Variants in SV2B observed in about 807,000 individuals in gnomAD.
The protein encoded by SV2B is solute carrier family 22 member B2.
A neutral mutation model predicts 73.9 loss-of-function variants in SV2B; 41 were observed. The observed-to-expected ratio is 0.56, with a 90% confidence interval of 0.43 to 0.72. SV2B has a LOEUF of 0.72. Among genes scored for constraint, SV2B ranks in the 30% least tolerant of loss-of-function variants. The pLI is 0.00. For synonymous variants in SV2B, 314 were observed against 314.2 expected (o/e 1.00, Z 0.01); for missense variants, 764 against 857.8 (o/e 0.89, Z 1.37).
rs2141149856 is a variant in SV2B, at chr15:91,130,289, C to CA, written c.-392+29927dup. Reference sequence around the variant, plus strand: ...GGAGTGTTGGAGGAATACTGAATTCCATATTGGGCTCTCTTGAGTGAACAG... The same window carrying CA: ...GGAGTGTTGGAGGAATACTGAATTCCAATATTGGGCTCTCTTGAGTGAACAG... On this transcript the variant is annotated intron_variant, in intron 1 of 12. Coordinates refer to ENST00000394232, the MANE Select transcript of SV2B (RefSeq NM_001323032.3). This position sits in a 1 kb window ranked among gnomAD's most constrained non-coding sequence, Gnocchi z 5.6. Among the ~76,000 whole-genome samples the CA allele has an allele frequency of 6.6e-6, 1 of 152,262 alleles. No individual in the cohort carries two copies. The highest frequency in any genetic ancestry group is 1.9e-4 in the East Asian group (1 of 5,186).
intron 6 of SV2B, among the ~76,000 whole-genome samples, chr15:91,260,847 C>G (rs1173008708): frequency 6.6e-6 from 1 of 152,238 alleles, no homozygotes. Flanking sequence ...GCAGAAACCC[C>G]TGATAAACCC....
intron 6 of SV2B, among the ~76,000 whole-genome samples, chr15:91,263,265 C>G (rs1596728038): frequency 6.7e-6 from 1 of 149,002 alleles, no homozygotes; most frequent in African/African-American, 2.5e-5. Context: ...CACACGGACA[C>G]AGACACATGG....
chr15:91,277,234 CAG>C (rs2048524235), intron 9 of SV2B, among the ~76,000 whole-genome samples: 1 of 152,134 alleles, frequency 6.6e-6, no homozygotes, highest in Non-Finnish European at 1.5e-5. Context: ...TAGGTTTTAA[CAG>C]TATGTGGGGA....
intron 2 of SV2B, among the ~76,000 whole-genome samples, chr15:91,235,204 G>C (rs1310463271): frequency 6.6e-6 from 1 of 152,192 alleles, no homozygotes; most frequent in Non-Finnish European, 1.5e-5. Context: ...GAAGCCATTT[G>C]AGTGTTTTGA....
intron 4 of SV2B, among the ~76,000 whole-genome samples, chr15:91,256,754 AC>A (rs540559263): frequency 6.6e-6 from 1 of 152,316 alleles, no homozygotes; most frequent in East Asian, 1.9e-4. Flanking sequence ...TGTCCAAGGG[AC>A]CACAGTCCCA....
At chr15:91,204,291 T>C (rs1201648289) in intron 1 of SV2B, among the ~76,000 whole-genome samples, 2 of 152,190 alleles carry the variant, frequency 1.3e-5, no homozygotes, top group Non-Finnish European at 2.9e-5. Flanking sequence ...TCCAAATTAA[T>C]TAAAATTTAA....
chr15:91,259,616 A>G (rs111558366), intron 5 of SV2B, among the ~76,000 whole-genome samples: 1 of 152,238 alleles, frequency 6.6e-6, no homozygotes, highest in African/African-American at 2.4e-5. Context: ...TCAAAGCAGC[A>G]GCAAGGTCAT....
At chr15:91,247,233 G>C (rs148513527) in intron 2 of SV2B, among the ~76,000 whole-genome samples, 24 of 152,134 alleles carry the variant, frequency 1.6e-4, no homozygotes, top group African/African-American at 4.8e-4. Context: ...GCAGGTCCTC[G>C]GCCAGCATTG....
rs1210347097 is a variant in SV2B, at chr15:91,137,864, G to T, written c.-392+37501G>T. 6.6e-6 allele frequency among the ~76,000 whole-genome samples: 1 copy of T among 151,982 alleles called. No homozygotes were observed. Among genetic ancestry groups the T allele is most frequent in the Non-Finnish European group, 1.5e-5 (1 of 67,994 alleles). On this transcript the variant is annotated intron_variant, in intron 1 of 12. Coordinates refer to ENST00000394232, the MANE Select transcript of SV2B (RefSeq NM_001323032.3). The surrounding 1 kb of genome is among the most constrained non-coding windows in gnomAD (Gnocchi z 4.9). Reference sequence around the variant, plus strand: ...TATTTTGAAAACTGGTAAATAAGAAGAGAGAATCAGGTGTTTACTTTGCCT... The same window carrying T: ...TATTTTGAAAACTGGTAAATAAGAATAGAGAATCAGGTGTTTACTTTGCCT...
At chr15:91,243,628 T>C (rs1449664081) in intron 2 of SV2B, among the ~76,000 whole-genome samples, 1 of 152,170 alleles carries the variant, frequency 6.6e-6, no homozygotes, top group East Asian at 1.9e-4. Context: ...CATTGCTCAC[T>C]GCTTGGCCCA....
At position 91,297,608 on chromosome 15, in the gene SV2B, G is replaced by T. The variant is rs568633317; in HGVS notation, c.*5056G>T. 1 of 152,280 alleles carries T rather than the reference G, an allele frequency of 6.6e-6. No homozygotes were observed. Among genetic ancestry groups the T allele is most frequent in the South Asian group, 2.1e-4 (1 of 4,824 alleles). The allele number at this position is 152,280 out of a possible 1,614,324, so 9.4% of individuals were successfully genotyped here. On this transcript the variant is annotated 3_prime_UTR_variant, in exon 13 of 13. Transcript: ENST00000394232. The surrounding 1 kb of genome is among the most constrained non-coding windows in gnomAD (Gnocchi z 5.1). ...CATCAATTCTCAAGCCATATTTTGA[G>T]TAGCACTGACACTCTTCCAATAGGT...
intron 1 of SV2B, among the ~76,000 whole-genome samples, chr15:91,205,033 G>A (rs749828353): frequency 9.9e-5 from 15 of 152,156 alleles, no homozygotes; most frequent in Non-Finnish European, 1.6e-4. Context: ...TTTGTTTTCT[G>A]AAATAAGCAT....
intron 1 of SV2B, among the ~76,000 whole-genome samples, chr15:91,189,327 T>C (rs2044908952): frequency 6.6e-6 from 1 of 152,196 alleles, no homozygotes; most frequent in Admixed American, 6.5e-5. Context: ...CCAACACGTT[T>C]AGTAAGTCCA....
intron 1 of SV2B, among the ~76,000 whole-genome samples, chr15:91,166,187 G>T (rs945406896): frequency 2.6e-5 from 4 of 152,096 alleles, no homozygotes; most frequent in Non-Finnish European, 5.9e-5. Flanking sequence ...ATGTATAGTA[G>T]TATCCTTAGC....
intron 2 of SV2B, among the ~76,000 whole-genome samples, chr15:91,246,748 CT>C (rs1396876885): frequency 1.8e-3 from 265 of 150,656 alleles, no homozygotes; most frequent in African/African-American, 6.2e-3. Context: ...CCTCCTCCTC[CT>C]TCTTCTCCTC....
At chr15:91,186,630 A>G (rs2044781732) in intron 1 of SV2B, among the ~76,000 whole-genome samples, 1 of 152,218 alleles carries the variant, frequency 6.6e-6, no homozygotes, top group Non-Finnish European at 1.5e-5. Context: ...ATGAACTTTA[A>G]AAAATACACT....
rs911998149 is a variant in SV2B, at chr15:91,301,967, T to G, written c.*9415T>G. On this transcript the variant is annotated 3_prime_UTR_variant, in exon 13 of 13. Coordinates refer to ENST00000394232, the MANE Select transcript of SV2B (RefSeq NM_001323032.3). The surrounding 1 kb of genome is among the most constrained non-coding windows in gnomAD (Gnocchi z 4.3). ...TGAATGCTCATCACCTGGCATATAG[T>G]ATGGTATAATCACCCCACCAAACCT... Among the ~76,000 whole-genome samples the G allele has an allele frequency of 6.6e-6, 1 of 152,192 alleles. No homozygotes were observed. Among genetic ancestry groups the G allele is most frequent in the East Asian group, 1.9e-4 (1 of 5,204 alleles).
chr15:91,139,697 C>T lies in SV2B; in HGVS notation c.-392+39334C>T, dbSNP rs151149939. Among the ~76,000 whole-genome samples the T allele has an allele frequency of 3.4e-4, 51 of 152,230 alleles. No individual in the cohort carries two copies. The highest frequency in any genetic ancestry group is 9.9e-4 in the African/African-American group (41 of 41,546). ...TCCATTTAGGTATGTGGGATTCCTA[C>T]GGATTAGGGTTAAGCAAATAGGAGC... On this transcript the variant is annotated intron_variant, in intron 1 of 12. Transcript: ENST00000394232. This position sits in a 1 kb window ranked among gnomAD's most constrained non-coding sequence, Gnocchi z 5.2.
At chr15:91,131,978 A>G (rs2141156241) in intron 1 of SV2B, among the ~76,000 whole-genome samples, 1 of 152,218 alleles carries the variant, frequency 6.6e-6, no homozygotes, top group East Asian at 1.9e-4. Context: ...ACAAACAAAT[A>G]AACAAACAAA....
Sources: allele counts gnomAD v4.1 joint callset (sites outside exome capture counted in the v4.1 genomes callset), GRCh38; gene constraint gnomAD v4.1.1; non-coding constraint Gnocchi (gnomAD v3.1); transcripts MANE v1.5; gene names NCBI Gene and HGNC (gene_info 2026-07-23, HGNC 2026-07-21).